ITIH5: variants seen among roughly 807,000 people sequenced by gnomAD.
The protein encoded by ITIH5 is inter-alpha-trypsin inhibitor heavy chain H5.
A neutral mutation model predicts 77.5 loss-of-function variants in ITIH5; 65 were observed. The ratio of observed to expected loss-of-function variants is 0.84; its 90% CI spans 0.69 to 1.03. ITIH5 has a LOEUF of 1.03. ITIH5 is among the 50% of genes least tolerant of loss of function. The pLI is 0.00. For missense variants in ITIH5, 1,208 were observed against 1,213.1 expected (o/e 1.00, Z 0.06); for synonymous variants, 525 against 494.3 (o/e 1.06, Z -0.82).
rs1196886176 is a variant in ITIH5, at chr10:7,576,948, C to G, written c.1483G>C (p.Val495Leu). ...DIRIDYPPSS[V>L]VQATKTLFPN... ...AACAGGGTCTTGGTGGCCTGCACCA[C>G]TGAGCTGGGGGGATAATCGATGCGG... Residue 495 changes from valine (V) to leucine (L), a missense_variant, in exon 10 of 14, where the codon GTG (valine) becomes CTG (leucine). Transcript: ENST00000397146. 1 of 1,614,182 alleles carries G rather than the reference C, an allele frequency of 6.2e-7. No individual in the cohort carries two copies. The highest frequency in any genetic ancestry group is 2.2e-5 in the East Asian group (1 of 44,878).
At chr10:7,587,772 T>G (rs1192795705) in intron 7 of ITIH5, among the ~76,000 whole-genome samples, 1 of 151,676 alleles carries the variant, frequency 6.6e-6, no homozygotes, top group Non-Finnish European at 1.5e-5. Context: ...AAGTCGGGAG[T>G]GGTGGTTTCC....
chr10:7,565,936 CTCAA>C (rs1313229864), intron 13 of ITIH5, 90 bp downstream of exon 13: 4 of 1,494,314 alleles, frequency 2.7e-6, no homozygotes, highest in East Asian at 4.5e-5. Flanking sequence ...TATTGAATTT[CTCAA>C]TCAAACGAAA....
At chr10:7,569,541 A>C in intron 12 of ITIH5, 127 bp downstream of exon 12, 1 of 588,270 alleles carries the variant, frequency 1.7e-6, no homozygotes, top group South Asian at 2.8e-5. Context: ...TCCCTTAACC[A>C]CTGACGATAC....
At chr10:7,609,377 C>A in intron 7 of ITIH5, 1 of 449,390 alleles carries the variant, frequency 2.2e-6, no homozygotes. Flanking sequence ...AATGATCAAA[C>A]ACAAGATGTT....
chr10:7,612,048 T>C (rs888339493), intron 7 of ITIH5, among the ~76,000 whole-genome samples: 1 of 152,136 alleles, frequency 6.6e-6, no homozygotes, highest in Non-Finnish European at 1.5e-5. Context: ...AAAATGTTTT[T>C]GGAATGTGTA....
At chr10:7,654,214 G>T (rs1285381087) in intron 2 of ITIH5, among the ~76,000 whole-genome samples, 1 of 152,156 alleles carries the variant, frequency 6.6e-6, no homozygotes, top group Admixed American at 6.6e-5. Flanking sequence ...ATGATCAGAG[G>T]TCTCCCATAT....
rs754995858 is a variant in ITIH5 at position 7,576,628 on chromosome 10, C to T, written c.1803G>A (p.Leu601=). 6.2e-7 allele frequency: 1 copy of T among 1,614,192 alleles called. No homozygotes were observed. Among genetic ancestry groups the T allele is most frequent in the East Asian group, 2.2e-5 (1 of 44,882 alleles). The stretch of plus-strand genomic sequence containing the variant: ...CAGCCAGGGCCTGGGCCCGCTGCCG[C>T]AGCCGCTCCTTCTCCGGTTCATCGT... ...QSDDEPEKER[L]RQRAQALAVS... The change falls in exon 10 of 14, where the codon CTG becomes CTA. Residue 601 remains leucine, a synonymous_variant. Transcript: ENST00000397146.
intron 8 of ITIH5, among the ~76,000 whole-genome samples, chr10:7,582,362 G>A (rs1401555990): frequency 1.3e-5 from 2 of 152,100 alleles, no homozygotes; most frequent in Non-Finnish European, 2.9e-5. Context: ...AGGTTTCTGG[G>A]TTAGCTAAGA....
chr10:7,637,328 C>T lies in ITIH5; in HGVS notation c.552G>A (p.Arg184=). The T allele has an allele frequency of 1.9e-6, 3 of 1,614,086 alleles. No individual in the cohort carries two copies. The highest frequency in any genetic ancestry group is 1.1e-5 in the South Asian group (1 of 91,082). ...CCAGGATATTCACGTCCACGCTCAG[C>T]CTCCCGGACAGCTGCTGGGGCCGCA... ...ISVRPQQLSG[R]LSVDVNILES... Residue 184 remains arginine, a synonymous_variant, in exon 5 of 14, where the codon AGG becomes AGA. Transcript: ENST00000397146.
rs377166851 is a variant in ITIH5, at chr10:7,580,052, T to A, written c.1121A>T (p.Asn374Ile). Residue 374 changes from asparagine (N) to isoleucine (I), a missense_variant, in exon 9 of 14, where the codon AAC (asparagine) becomes ATC (isoleucine). By Grantham distance (149) the Asn-to-Ile change is moderately radical (BLOSUM62 -3). Coordinates refer to ENST00000397146, the MANE Select transcript of ITIH5 (RefSeq NM_030569.7). ...CCTGATGGCCCTCTGCAGGGCCCCGTTGATGTCTGTGCCTGCAGGACACCA... is the reference window on the plus strand; with the variant it reads ...CCTGATGGCCCTCTGCAGGGCCCCGATGATGTCTGTGCCTGCAGGACACCA... ...HMSPTGGTDI[N>I]GALQRAIRLL... 4 of 1,602,554 alleles carry A rather than the reference T, an allele frequency of 2.5e-6. No individual in the cohort carries two copies. The South Asian group carries it at 3.3e-5, about 13-fold the overall frequency.
At chr10:7,569,554 A>T in intron 12 of ITIH5, 114 bp downstream of exon 12, 1 of 627,978 alleles carries the variant, frequency 1.6e-6, no homozygotes, top group Non-Finnish European at 2.8e-6. Context: ...GACGATACTC[A>T]CTGAGCGTCT....
rs1834374554 is a variant in ITIH5, at chr10:7,666,945, C to T, written c.-53G>A. Reference sequence around the variant, plus strand: ...GGACCCGGCGGGACACGCTTTGCAGCGCCCAGGGCTCCAGCCACTGCGGGA... The same window carrying T: ...GGACCCGGCGGGACACGCTTTGCAGTGCCCAGGGCTCCAGCCACTGCGGGA... On this transcript the variant is annotated 5_prime_UTR_variant, in exon 1 of 14. Transcript: ENST00000397146. The T allele has an allele frequency of 8.3e-6, 12 of 1,443,578 alleles. No homozygotes were observed. The highest frequency in any genetic ancestry group is 4.3e-4 in the Middle Eastern group (2 of 4,696). 89.4% of individuals were successfully genotyped at this position (1,443,578 alleles called of 1,614,324 possible).
chr10:7,629,310 G>A (rs1330685741), intron 5 of ITIH5, among the ~76,000 whole-genome samples: 7 of 107,322 alleles, frequency 6.5e-5, no homozygotes, highest in African/African-American at 3.1e-4. Flanking sequence ...TGTCCATGTT[G>A]TAGCGTGTGC....
At chr10:7,633,779 A>G (rs1833749721) in intron 5 of ITIH5, among the ~76,000 whole-genome samples, 1 of 152,160 alleles carries the variant, frequency 6.6e-6, no homozygotes, top group South Asian at 2.1e-4. Context: ...CTAGAATTGC[A>G]TCTTTAAAGA....
intron 12 of ITIH5, among the ~76,000 whole-genome samples, chr10:7,567,402 A>G (rs970482444): frequency 8.0e-5 from 12 of 150,506 alleles, no homozygotes; most frequent in African/African-American, 2.4e-4. Context: ...GGTTTGTTAC[A>G]TATGTATACA....
chr10:7,570,329 T>C (rs1832272015), intron 11 of ITIH5: 3 of 152,344 alleles, frequency 2.0e-5, no homozygotes, highest in African/African-American at 4.8e-5. Context: ...CCAGCTTAGA[T>C]GCAGAGGCAA....
rs1274529414 is a variant in ITIH5 at position 7,576,465 on chromosome 10, C to T, written c.1966G>A (p.Gly656Ser). The T allele has an allele frequency of 2.5e-6, 4 of 1,591,970 alleles. No individual in the cohort carries two copies. The highest frequency in any genetic ancestry group is 1.1e-5 in the South Asian group (1 of 89,482). ...EPVVQSVRGA[G>S]TQPGPLLKKP... ...AGGTGCCTCGTACCTGGCTGCGTGC[C>T]AGCTCCTCGCACGCTCTGCACCACC... The change falls in exon 10 of 14, where the codon GGC (glycine) becomes AGC (serine). Residue 656 changes from glycine to serine, a missense_variant. Physicochemically the swap from Gly to Ser is moderately conservative, Grantham distance 56 (BLOSUM62 0). Coordinates refer to ENST00000397146, the MANE Select transcript of ITIH5 (RefSeq NM_030569.7).
At chr10:7,638,304 C>T (rs927750856) in intron 4 of ITIH5, among the ~76,000 whole-genome samples, 3 of 152,178 alleles carry the variant, frequency 2.0e-5, no homozygotes, top group African/African-American at 7.2e-5. Context: ...AGCTGATAGG[C>T]TTTCTATACT....
chr10:7,657,414 A>T (rs1159911867), intron 1 of ITIH5, among the ~76,000 whole-genome samples: 2 of 152,094 alleles, frequency 1.3e-5, no homozygotes, highest in Non-Finnish European at 2.9e-5. Context: ...CATTCCCACC[A>T]GTATGCAATC....
Sources: gnomAD v4.1 joint callset for allele counts (sites outside exome capture counted in the v4.1 genomes callset) on GRCh38, gnomAD v4.1.1 for gene constraint, MANE v1.5 for transcripts, NCBI Gene and HGNC (gene_info 2026-07-23, HGNC 2026-07-21) for gene names.